BCL3: variants seen among roughly 807,000 people sequenced by gnomAD.
BCL3 encodes the protein BCL3 transcription coactivator.
BCL3 carries 15 observed loss-of-function variants against 35.7 expected under a neutral mutation model. The observed-to-expected ratio is 0.42, with a 90% CI of 0.28 to 0.65. BCL3 has a LOEUF of 0.65. BCL3 is among the 30% of genes least tolerant of loss of function. BCL3 has a pLI of 0.22. For synonymous variants in BCL3, 311 were observed against 284.3 expected (o/e 1.09, Z -0.95); for missense variants, 565 against 641.7 (o/e 0.88, Z 1.29).
intron 2 of BCL3, among the ~76,000 whole-genome samples, chr19:44,751,902 C>A (rs1313940831): frequency 1.3e-5 from 2 of 152,224 alleles, no homozygotes; most frequent in African/African-American, 4.8e-5. Flanking sequence ...AAGCCCACCC[C>A]TAGAACACTA....
chr19:44,756,450 AC>A, intron 3 of BCL3, 110 bp downstream of exon 3: 1 of 755,250 alleles, frequency 1.3e-6, no homozygotes. Context: ...TGGGGCCTGG[AC>A]CCCTGGGTCT....
In BCL3 at chr19:44,748,893, C is replaced by G; in HGVS notation, c.103C>G (p.Arg35Gly). The G allele has an allele frequency of 8.9e-7, 1 of 1,128,704 alleles. No individual in the cohort carries two copies. Among genetic ancestry groups the G allele is most frequent in the Non-Finnish European group, 1.1e-6 (1 of 924,308 alleles). The allele number at this position is 1,128,704 out of a possible 1,614,324, so 69.9% of individuals were successfully genotyped here. Residue 35 changes from arginine to glycine, a missense_variant, in exon 1 of 9, where the codon CGC becomes GGC. This residue lies in a region of BCL3 where 267 missense variants were observed against 281.5 expected (regional missense o/e 0.95). Transcript: ENST00000164227. ...GGGCGCCGCGCTGCCGCTCCGCAAG[C>G]GCCCGCTGCGCGCGCCCTCCCCGGA... ...LPGAALPLRK[R>G]PLRAPSPEPA...
In BCL3 at chr19:44,757,220, C is replaced by T; in HGVS notation, c.723C>T (p.Asp241=). Residue 241 remains aspartate (D), a splice_region_variant and synonymous_variant, in exon 4 of 9, where the codon GAC becomes GAT. Transcript: ENST00000164227. The surrounding 1 kb of genome is among the most constrained non-coding windows in gnomAD (Gnocchi z 8.4). ...GTLDLEARNY[D]GLTALHVAVN... is the part of the protein sequence containing the mutation. ...TGGACCTGGAGGCCCGCAATTATGA[C>T]GGTAAGCATTTACCGCGGGGCACCG... 1 of 1,551,786 alleles carries T rather than the reference C, an allele frequency of 6.4e-7. No individual in the cohort carries two copies. The highest frequency in any genetic ancestry group is 8.7e-7 in the Non-Finnish European group (1 of 1,144,004).
Position 44,758,351 on chromosome 19 carries a change from G to A in BCL3, c.997G>A (p.Ala333Thr). The stretch of plus-strand genomic sequence containing the variant: ...GGTGCGCACGCTGGTCCGCAGCGGC[G>A]CTGACAGCAGCCTCAAGAACTGCCA... The part of the protein sequence containing the change: ...PLVRTLVRSG[A>T]DSSLKNCHND... Residue 333 changes from alanine to threonine, a missense_variant, in exon 7 of 9, where the codon GCT becomes ACT. Coordinates refer to ENST00000164227, the MANE Select transcript of BCL3 (RefSeq NM_005178.5). 6.4e-7 allele frequency: 1 copy of A among 1,554,902 alleles called. No individual in the cohort carries two copies.
In BCL3 at chr19:44,758,813, C is replaced by G. The variant is rs748826968; in HGVS notation, c.1149C>G (p.Pro383=). 1.1e-5 allele frequency: 17 copies of G among 1,604,154 alleles called. No individual in the cohort carries two copies. The highest frequency in any genetic ancestry group is 2.7e-5 in the African/African-American group (2 of 74,498). ...CTGACCGGAGCGCCAACACCTCCCC[C>G]GAGAGCAGCAGCCGCCTCAGCTCCA... The part of the protein sequence containing the change: ...PSPDRSANTS[P]ESSSRLSSNG... The change falls in exon 8 of 9, where the codon CCC becomes CCG. Residue 383 remains proline, a synonymous_variant. Transcript: ENST00000164227.
intron 2 of BCL3, among the ~76,000 whole-genome samples, chr19:44,753,311 AG>A (rs777141042): frequency 5.3e-5 from 8 of 152,132 alleles, no homozygotes; most frequent in Non-Finnish European, 8.8e-5. Flanking sequence ...CCCAGTGGTG[AG>A]CTGTCCATGC....
chr19:44,752,669 C>T lies in BCL3; in HGVS notation c.410+1289C>T, dbSNP rs560724176. Among the ~76,000 whole-genome samples, 6 of 152,268 alleles carry T rather than the reference C, an allele frequency of 3.9e-5. No homozygotes were observed. The South Asian group carries it at 1.0e-3, about 26-fold the overall frequency. On this transcript the variant is annotated intron_variant, in intron 2 of 8. Coordinates refer to ENST00000164227, the MANE Select transcript of BCL3 (RefSeq NM_005178.5). ...TGTGAGGCTGCTGAGAAGTCCTGCA[C>T]GGGAGGGTTTGGTCTGTGCCTAGCA... is the stretch of plus-strand genomic sequence containing the variant.
At chr19:44,751,767 A>G (rs1229057983) in intron 2 of BCL3, among the ~76,000 whole-genome samples, 11 of 152,056 alleles carry the variant, frequency 7.2e-5, no homozygotes, top group African/African-American at 2.7e-4. Flanking sequence ...AAGCCTGGCT[A>G]ATTTTTGTAT....
chr19:44,754,312 G>T (rs549429784), intron 2 of BCL3, among the ~76,000 whole-genome samples: 2 of 152,128 alleles, frequency 1.3e-5, no homozygotes, highest in Non-Finnish European at 2.9e-5. Context: ...CCCCAGGCGG[G>T]AGGACTCGGG....
Position 44,759,883 on chromosome 19 carries a change from T to G in BCL3, c.*268T>G. ...GCCACCCACATCTTCCATTTCCATG[T>G]CCCCTCCCAGAGCTGGTGGACCCAG... On this transcript the variant is annotated 3_prime_UTR_variant, in exon 9 of 9. Transcript: ENST00000164227. 2.6e-6 allele frequency: 1 copy of G among 387,320 alleles called. No homozygotes were observed. 24.0% of individuals were successfully genotyped at this position (387,320 alleles called of 1,614,324 possible).
Position 44,757,551 on chromosome 19 carries a change from A to G in BCL3, c.814-95A>G, listed in dbSNP as rs1967320400. 6.5e-7 allele frequency: 1 copy of G among 1,536,692 alleles called. No individual in the cohort carries two copies. The highest frequency in any genetic ancestry group is 9.0e-7 in the Non-Finnish European group (1 of 1,116,654). ...GCTTGGAGTATCAGACCCAAGAGAG[A>G]GGCTGGACCCCGCGAATGGGATGTG... On this transcript the variant is annotated intron_variant, in intron 5 of 8. Coordinates refer to ENST00000164227, the MANE Select transcript of BCL3 (RefSeq NM_005178.5). The surrounding 1 kb of genome is among the most constrained non-coding windows in gnomAD (Gnocchi z 8.4).
upstream of BCL3, chr19:44,748,525 A>AGGGGGCAAGCG (rs1967109689): frequency 1.0e-5 from 2 of 191,490 alleles, no homozygotes; most frequent in South Asian, 1.8e-4. Context: ...GCGGGCCGGG[A>AGGGGGCAAGCG]GGGGGCAAGC....
chr19:44,753,516 A>T (rs1053229829), intron 2 of BCL3, among the ~76,000 whole-genome samples: 7 of 151,944 alleles, frequency 4.6e-5, no homozygotes, highest in Non-Finnish European at 1.0e-4. Flanking sequence ...AGCACCCGTC[A>T]CTCACTCGCA....
chr19:44,758,888 A>T (rs770468313), intron 8 of BCL3, 47 bp downstream of exon 8: 135 of 1,457,290 alleles, frequency 9.3e-5, no homozygotes, highest in Non-Finnish European at 1.2e-4. Context: ...CCTCCCTCAG[A>T]CCCAGGAATC....
At chr19:44,750,042 G>A (rs1037727693) in intron 1 of BCL3, among the ~76,000 whole-genome samples, 1 of 152,026 alleles carries the variant, frequency 6.6e-6, no homozygotes, top group Non-Finnish European at 1.5e-5. Flanking sequence ...CTGTGGCCAC[G>A]TCACCATCCC....
At chr19:44,747,893 C>G, upstream of BCL3, 1 of 1,158,030 alleles carries the variant, frequency 8.6e-7, no homozygotes. Flanking sequence ...GGCAGGGCCC[C>G]CAACGAGTGC....
chr19:44,758,916 C>T lies in BCL3; in HGVS notation c.1177+75C>T, dbSNP rs1967358685. The stretch of plus-strand genomic sequence containing the variant: ...CAGGAATCCCAACCCACAGCCCCTC[C>T]TCCCTCAGATCCAGGAGTCCAGGCC... On this transcript the variant is annotated intron_variant, in intron 8 of 8. Coordinates refer to ENST00000164227, the MANE Select transcript of BCL3 (RefSeq NM_005178.5). 7 of 1,278,082 alleles carry T rather than the reference C, an allele frequency of 5.5e-6. No homozygotes were observed. In the Admixed American group the frequency reaches 1.3e-4, roughly 23 times the overall value. The allele number at this position is 1,278,082 out of a possible 1,614,324, so 79.2% of individuals were successfully genotyped here. A position where few individuals can be genotyped will look rare whatever the true frequency, so the allele number is the denominator to read the frequency against.
upstream of BCL3, chr19:44,747,934 CT>C (rs2122267249): frequency 7.6e-6 from 9 of 1,179,276 alleles, no homozygotes; most frequent in Non-Finnish European, 9.8e-6. Flanking sequence ...GCTCCCCACC[CT>C]CACCCCACCC....
chr19:44,749,138 T>A, intron 1 of BCL3, 92 bp downstream of exon 1: 1 of 596,998 alleles, frequency 1.7e-6, no homozygotes, highest in African/African-American at 2.0e-5. Flanking sequence ...CACAAACCGG[T>A]GTCTCTCCAG....
Sources: allele counts gnomAD v4.1 joint callset (sites outside exome capture counted in the v4.1 genomes callset), GRCh38; gene constraint gnomAD v4.1.1; regional missense constraint gnomAD v4.1.1; non-coding constraint Gnocchi (gnomAD v3.1); transcripts MANE v1.5; gene names NCBI Gene and HGNC (gene_info 2026-07-23, HGNC 2026-07-21).